The following SUGCT variants were observed in gnomAD, a reference collection of about 807,000 sequenced individuals.
The protein encoded by SUGCT is succinyl-CoA:glutarate-CoA transferase, also known as succinyl-CoA:glutarate CoA-transferase.
SUGCT carries 41 observed loss-of-function variants against 55.0 expected under a neutral mutation model. The observed-to-expected ratio is 0.74, with a 90% CI of 0.58 to 0.97. The LOEUF (loss-of-function observed/expected upper bound fraction) is 0.97. SUGCT is among the 50% of genes least tolerant of loss of function. The probability of loss-of-function intolerance (pLI) is 0.00; values close to 1 mark genes in which losing one functional copy is unlikely to be tolerated. For missense variants in SUGCT, 568 were observed against 547.8 expected, an observed-to-expected ratio of 1.04 and a Z score of -0.37; for synonymous variants, 187 against 200.4, an observed-to-expected ratio of 0.93 and a Z score of 0.56.
intron 9 of SUGCT, among the ~76,000 whole-genome samples, 200 bp from the exon 10 acceptor site, chr7:40,449,087 T>G (rs1202352805): frequency 6.6e-6 from 1 of 152,016 alleles, no homozygotes; most frequent in Non-Finnish European, 1.5e-5. Context: ...CTGTTTGACA[T>G]TTAGTTAGTG....
chr7:40,215,778 T>G (rs1011899567), intron 6 of SUGCT, among the ~76,000 whole-genome samples: 1 of 150,988 alleles, frequency 6.6e-6, no homozygotes, highest in Admixed American at 6.6e-5. Flanking sequence ...AGGAGAATGG[T>G]GTGAACCCGG....
At chr7:40,214,632 T>C (rs1787518203) in intron 6 of SUGCT, among the ~76,000 whole-genome samples, 1 of 152,042 alleles carries the variant, frequency 6.6e-6, no homozygotes. Flanking sequence ...GTAGAAATTA[T>C]GGGCTGGGCA....
downstream of SUGCT, among the ~76,000 whole-genome samples, chr7:40,865,754 C>T (rs1465222025): frequency 6.6e-6 from 1 of 152,142 alleles, no homozygotes; most frequent in Non-Finnish European, 1.5e-5. Context: ...TCTTTCTTAG[C>T]AAAGGAAAAT....
chr7:40,819,855 T>A (rs1306508218), intron 13 of SUGCT, among the ~76,000 whole-genome samples: 1 of 152,300 alleles, frequency 6.6e-6, no homozygotes, highest in Non-Finnish European at 1.5e-5. Flanking sequence ...CTGAATGGTA[T>A]TGCCTAGGTT....
At chr7:40,619,101 G>T (rs1311041142) in intron 12 of SUGCT, among the ~76,000 whole-genome samples, 8 of 152,138 alleles carry the variant, frequency 5.3e-5, no homozygotes, top group Non-Finnish European at 7.3e-5. Flanking sequence ...TTGGCTAGAT[G>T]ACGCCTTCCA....
intron 13 of SUGCT, chr7:40,783,373 CTTAA>C (rs959177685): frequency 1.3e-5 from 2 of 152,136 alleles, no homozygotes; most frequent in African/African-American, 4.8e-5. Flanking sequence ...GAAAGCTTTT[CTTAA>C]TTAGTTTGCC....
At chr7:40,876,356 A>G in the SUGCT span, among the ~76,000 whole-genome samples, 1 of 152,182 alleles carries the variant, frequency 6.6e-6, no homozygotes, top group African/African-American at 2.4e-5. Flanking sequence ...ATGTGCACAT[A>G]GGAAGTCAGA....
chr7:40,441,796 A>G (rs1562779779), intron 9 of SUGCT, among the ~76,000 whole-genome samples: 1 of 152,166 alleles, frequency 6.6e-6, no homozygotes, highest in Non-Finnish European at 1.5e-5. Flanking sequence ...TCAGCCTCCC[A>G]AACAGCTTGG....
intron 9 of SUGCT, among the ~76,000 whole-genome samples, chr7:40,318,904 A>G (rs189204504): frequency 6.6e-6 from 1 of 152,248 alleles, no homozygotes; most frequent in South Asian, 2.1e-4. Context: ...AAAAAGCTTT[A>G]TATAGACCTC....
the SUGCT span, among the ~76,000 whole-genome samples, chr7:40,961,820 G>A: frequency 0.039 from 5,997 of 152,152 alleles, 154 homozygotes; most frequent in Non-Finnish European, 0.061. Context: ...TAAAGGTGGC[G>A]CATCCGGAGT....
At chr7:40,383,720 G>A (rs1784982635) in intron 9 of SUGCT, among the ~76,000 whole-genome samples, 1 of 152,218 alleles carries the variant, frequency 6.6e-6, no homozygotes. Context: ...CGGAGGAAAT[G>A]ATAATTGAGC....
chr7:40,753,945 C>T (rs1161470735), intron 13 of SUGCT, among the ~76,000 whole-genome samples: 1 of 152,106 alleles, frequency 6.6e-6, no homozygotes, highest in Non-Finnish European at 1.5e-5. Flanking sequence ...TAAACTATTT[C>T]CTTTATTATA....
the SUGCT span, among the ~76,000 whole-genome samples, chr7:40,877,449 G>T: frequency 6.6e-6 from 1 of 152,172 alleles, no homozygotes; most frequent in African/African-American, 2.4e-5. Context: ...ATAATGTACT[G>T]CAGGGAATTA....
chr7:40,715,664 C>T (rs1013992190), intron 12 of SUGCT, among the ~76,000 whole-genome samples: 4 of 152,194 alleles, frequency 2.6e-5, no homozygotes, highest in African/African-American at 9.6e-5. Context: ...CAATCAGTTG[C>T]TGAGTCCGGA....
At chr7:40,746,205 T>C (rs1047038937) in intron 12 of SUGCT, among the ~76,000 whole-genome samples, 3 of 152,070 alleles carry the variant, frequency 2.0e-5, no homozygotes, top group African/African-American at 7.2e-5. Context: ...ACTTCCTGGG[T>C]TCTGAAATCC....
At chr7:40,761,875 T>C (rs1257801442) in intron 13 of SUGCT, among the ~76,000 whole-genome samples, 2 of 152,166 alleles carry the variant, frequency 1.3e-5, no homozygotes, top group African/African-American at 4.8e-5. Context: ...TTTTCTTTTG[T>C]TTTTTTAGCT....
chr7:40,984,185 G>A, the SUGCT span, among the ~76,000 whole-genome samples: 14 of 152,066 alleles, frequency 9.2e-5, no homozygotes, highest in African/African-American at 2.9e-4. Flanking sequence ...TCCCAAATAC[G>A]AAGATTTGGT....
At position 40,817,633 on chromosome 7, in the gene SUGCT, A is replaced by G. The variant is rs192172359; in HGVS notation, c.1154-42683A>G. On this transcript the variant is annotated intron_variant, in intron 13 of 13. Transcript: ENST00000335693. ...TGGTACATCCAAAAGAAGATAAGGTATCCAGCAAACAACTGTCATTAGGAT... is the reference window on the plus strand; with the variant it reads ...TGGTACATCCAAAAGAAGATAAGGTGTCCAGCAAACAACTGTCATTAGGAT... Among the ~76,000 whole-genome samples, 566 of 152,342 alleles carry G rather than the reference A, an allele frequency of 3.7e-3. 5 individuals carry two copies. The highest frequency in any genetic ancestry group is 0.013 in the African/African-American group (530 of 41,586).
chr7:40,953,324 T>C, the SUGCT span, among the ~76,000 whole-genome samples: 1 of 152,238 alleles, frequency 6.6e-6, no homozygotes, highest in Non-Finnish European at 1.5e-5. Flanking sequence ...AGGACTTCTC[T>C]ACATTGGTTA....
Sources: allele counts gnomAD v4.1 joint callset (sites outside exome capture counted in the v4.1 genomes callset), GRCh38; gene constraint gnomAD v4.1.1; transcripts MANE v1.5; gene names NCBI Gene and HGNC (gene_info 2026-07-23, HGNC 2026-07-21).